Variants in ATP10B observed in about 807,000 individuals in gnomAD.
The protein encoded by ATP10B is phospholipid-transporting ATPase VB.
In ATP10B, 122 loss-of-function variants were observed where a neutral mutation model predicts 141.2. That is an observed-to-expected ratio of 0.86 (90% CI 0.75 to 1.00). The LOEUF (loss-of-function observed/expected upper bound fraction) is 1.00, where lower values mean the gene tolerates loss of function less well. Among genes scored for constraint, ATP10B ranks in the 50% least tolerant of loss-of-function variants. The probability of loss-of-function intolerance (pLI) is 0.00; values close to 1 mark genes in which losing one functional copy is unlikely to be tolerated. For missense variants in ATP10B, 1,876 were observed against 1,825.3 expected, an observed-to-expected ratio of 1.03 and a Z score of -0.51; for synonymous variants, 685 against 692.0, an observed-to-expected ratio of 0.99 and a Z score of 0.16.
chr5:160,763,594 C>A (rs75577329), intron 2 of ATP10B, among the ~76,000 whole-genome samples: 2 of 152,040 alleles, frequency 1.3e-5, no homozygotes, highest in South Asian at 2.1e-4. Context: ...ACATTAAATG[C>A]CTACTTCAAA....
intron 13 of ATP10B, among the ~76,000 whole-genome samples, chr5:160,624,175 G>T (rs1581217846): frequency 2.0e-5 from 3 of 152,198 alleles, no homozygotes; most frequent in African/African-American, 7.2e-5. Context: ...GAGGGCCAAT[G>T]AACTTTACCC....
intron 2 of ATP10B, among the ~76,000 whole-genome samples, chr5:160,734,732 G>A (rs1766992905): frequency 6.6e-6 from 1 of 151,926 alleles, no homozygotes; most frequent in Non-Finnish European, 1.5e-5. Context: ...GAAGGGTCAA[G>A]TTGAAAGTAA....
chr5:160,736,726 C>G (rs1419659741), intron 2 of ATP10B, among the ~76,000 whole-genome samples: 1 of 152,154 alleles, frequency 6.6e-6, no homozygotes, highest in Non-Finnish European at 1.5e-5. Flanking sequence ...CGCCACTGCA[C>G]TCCAGCCTGG....
At chr5:160,908,143 C>G in the ATP10B span, among the ~76,000 whole-genome samples, 1 of 152,138 alleles carries the variant, frequency 6.6e-6, no homozygotes, top group East Asian at 1.9e-4. Context: ...TAATTTCTAG[C>G]TCATTACACT....
chr5:160,746,375 T>A (rs1581453892), intron 2 of ATP10B, among the ~76,000 whole-genome samples: 1 of 150,336 alleles, frequency 6.7e-6, no homozygotes, highest in Middle Eastern at 3.4e-3. Context: ...GTGGCTGAGG[T>A]CTCTTAATTT....
At chr5:160,699,440 A>G (rs943292619) in intron 3 of ATP10B, among the ~76,000 whole-genome samples, 3 of 152,236 alleles carry the variant, frequency 2.0e-5, no homozygotes, top group Admixed American at 6.5e-5. Context: ...CAATTAAAAG[A>G]CAATAGTACA....
chr5:160,566,336 T>G (rs1041011279), intron 25 of ATP10B, among the ~76,000 whole-genome samples: 5 of 152,228 alleles, frequency 3.3e-5, no homozygotes, highest in African/African-American at 1.2e-4. Flanking sequence ...CCATTCTATT[T>G]CTGGGCTACT....
chr5:160,865,918 T>G, the ATP10B span, among the ~76,000 whole-genome samples: 1 of 152,126 alleles, frequency 6.6e-6, no homozygotes, highest in Non-Finnish European at 1.5e-5. Context: ...AAACAATAGA[T>G]GTTGGTGTGG....
chr5:160,649,332 C>A, intron 7 of ATP10B, 76 bp from the exon 8 acceptor site: 2 of 1,050,320 alleles, frequency 1.9e-6, no homozygotes, highest in South Asian at 2.6e-5. Context: ...GAGAGCTAAT[C>A]ACTGTTAGAA....
intron 2 of ATP10B, among the ~76,000 whole-genome samples, chr5:160,755,829 AAAAAAAAAAATATATATATAT>A (rs1391407641): frequency 1.2e-4 from 9 of 72,976 alleles, no homozygotes; most frequent in African/African-American, 4.4e-4. Flanking sequence ...AAAAAAAAAA[AAAAAAAAAAATATATATATAT>A]ATATATATAT....
At chr5:160,905,222 T>C in the ATP10B span, among the ~76,000 whole-genome samples, 2 of 152,224 alleles carry the variant, frequency 1.3e-5, no homozygotes, top group African/African-American at 4.8e-5. Flanking sequence ...GTTTGTGTTC[T>C]TGACTACTAC....
At chr5:160,812,020 C>CAG (rs34793101) in intron 1 of ATP10B, among the ~76,000 whole-genome samples, 2,073 of 111,442 alleles carry the variant, frequency 0.019, 37 homozygotes, top group African/African-American at 0.049. Context: ...GAGACAGAGA[C>CAG]AGAGAGAGAG....
intron 7 of ATP10B, among the ~76,000 whole-genome samples, chr5:160,660,123 C>A (rs1284540321): frequency 6.6e-6 from 1 of 152,142 alleles, no homozygotes; most frequent in East Asian, 1.9e-4. Flanking sequence ...ATGAGGTGGA[C>A]TAAAAAACCT....
the ATP10B span, among the ~76,000 whole-genome samples, chr5:160,865,641 CAT>C: frequency 6.6e-6 from 1 of 151,946 alleles, no homozygotes; most frequent in South Asian, 2.1e-4. Flanking sequence ...ACAGAGAACC[CAT>C]AGAGTGGGAG....
chr5:160,915,039 C>A, the ATP10B span, among the ~76,000 whole-genome samples: 2 of 152,138 alleles, frequency 1.3e-5, no homozygotes, highest in African/African-American at 2.4e-5. Context: ...ATAGTGCCTG[C>A]AATAGTAAAG....
intron 1 of ATP10B, among the ~76,000 whole-genome samples, chr5:160,833,522 C>T (rs1452787474): frequency 1.3e-5 from 2 of 152,164 alleles, no homozygotes; most frequent in Non-Finnish European, 2.9e-5. Flanking sequence ...GATTTTCCCA[C>T]ACAATGTCCA....
At chr5:160,833,092 G>A (rs987972561) in intron 1 of ATP10B, among the ~76,000 whole-genome samples, 3 of 152,254 alleles carry the variant, frequency 2.0e-5, no homozygotes, top group African/African-American at 7.2e-5. Context: ...TCAGTCTACT[G>A]AAGGCTGGTG....
chr5:160,829,906 A>G (rs1055596525), intron 1 of ATP10B, among the ~76,000 whole-genome samples: 9 of 152,070 alleles, frequency 5.9e-5, no homozygotes, highest in African/African-American at 7.2e-5. Context: ...AAATAGAGAT[A>G]ATTTGACTTC....
chr5:160,793,166 G>C (rs1327460354), intron 1 of ATP10B, among the ~76,000 whole-genome samples: 2 of 150,810 alleles, frequency 1.3e-5, no homozygotes, highest in Non-Finnish European at 2.9e-5. Context: ...TGCTGCCTAA[G>C]TATTTTTGCC....
Sources: allele counts gnomAD v4.1 joint callset (sites outside exome capture counted in the v4.1 genomes callset), GRCh38; gene constraint gnomAD v4.1.1; transcripts MANE v1.5; gene names NCBI Gene and HGNC (gene_info 2026-07-23, HGNC 2026-07-21).